The following ATRN variants were observed in gnomAD, a reference collection of about 807,000 sequenced individuals.
ATRN encodes attractin, also known as attractin-2.
A neutral mutation model predicts 178.7 loss-of-function variants in ATRN; 54 were observed. That is an observed-to-expected ratio of 0.30 (90% CI 0.24 to 0.38). The LOEUF is 0.38. Ranked by LOEUF, ATRN falls within the 10% of genes least tolerant of loss-of-function variation. The pLI, the probability that ATRN is intolerant of heterozygous loss-of-function variation, is 1.00. For synonymous variants in ATRN, 636 were observed against 663.0 expected, an observed-to-expected ratio of 0.96 and a Z score of 0.63; for missense variants, 1,443 against 1,815.1, an observed-to-expected ratio of 0.79 and a Z score of 3.73.
At chr20:3,504,035 C>T (rs1284849390) in intron 1 of ATRN, among the ~76,000 whole-genome samples, 1 of 152,084 alleles carries the variant, frequency 6.6e-6, no homozygotes, top group African/African-American at 2.4e-5. Context: ...AACATGGAGG[C>T]CATCTGAAAT....
intron 5 of ATRN, among the ~76,000 whole-genome samples, chr20:3,547,890 A>ATT (rs776026002): frequency 0.75 from 113,308 of 151,126 alleles, 42,895 homozygotes; most frequent in East Asian, 1. Context: ...GCTAATAGTT[A>ATT]TCTACAGAAA....
intron 1 of ATRN, among the ~76,000 whole-genome samples, chr20:3,512,376 C>A (rs572515240): frequency 6.6e-6 from 1 of 150,404 alleles, no homozygotes; most frequent in Non-Finnish European, 1.5e-5. Flanking sequence ...TTTGTCCTTG[C>A]GATAGTTTGC....
chr20:3,544,233 A>ACT (rs1278474234), intron 3 of ATRN, among the ~76,000 whole-genome samples: 53 of 152,000 alleles, frequency 3.5e-4, no homozygotes, highest in Non-Finnish European at 7.4e-5. Context: ...ATGCCTGTTG[A>ACT]GCTTCTTGTT....
chr20:3,524,750 A>G (rs2085341733), intron 1 of ATRN, among the ~76,000 whole-genome samples: 1 of 152,208 alleles, frequency 6.6e-6, no homozygotes, highest in African/African-American at 2.4e-5. Context: ...CTCAGGATTA[A>G]GAAACTCAGA....
At chr20:3,478,559 T>C (rs2084564947) in intron 1 of ATRN, among the ~76,000 whole-genome samples, 1 of 152,020 alleles carries the variant, frequency 6.6e-6, no homozygotes, top group Admixed American at 6.6e-5. Flanking sequence ...AGGGGAGGGA[T>C]AGCATTAGGA....
At chr20:3,633,178 T>C (rs957187455) in intron 25 of ATRN, among the ~76,000 whole-genome samples, 4 of 152,128 alleles carry the variant, frequency 2.6e-5, no homozygotes, top group Non-Finnish European at 4.4e-5. Flanking sequence ...GGCAGTGTCC[T>C]GATAGCAGAG....
intron 1 of ATRN, among the ~76,000 whole-genome samples, chr20:3,492,871 G>GCA (rs113403087): frequency 1.2e-4 from 16 of 132,440 alleles, no homozygotes; most frequent in African/African-American, 2.5e-4. Flanking sequence ...GCGCGCGTGC[G>GCA]CACGCACACA....
At chr20:3,524,660 T>G (rs769777545) in intron 1 of ATRN, among the ~76,000 whole-genome samples, 64 of 152,124 alleles carry the variant, frequency 4.2e-4, no homozygotes, top group Non-Finnish European at 7.1e-4. Flanking sequence ...ACCACATAAT[T>G]GGAAGTAAAA....
At chr20:3,478,356 T>C (rs1008463899) in intron 1 of ATRN, among the ~76,000 whole-genome samples, 5 of 152,192 alleles carry the variant, frequency 3.3e-5, no homozygotes, top group Non-Finnish European at 5.9e-5. Flanking sequence ...GTGGCACATA[T>C]ACACCGTGGA....
intron 24 of ATRN, 59 bp downstream of exon 24, chr20:3,604,321 T>G (rs1476904861): frequency 6.7e-7 from 1 of 1,499,492 alleles, no homozygotes; most frequent in Non-Finnish European, 8.9e-7. Context: ...TTAGTAAGAC[T>G]AAATTTACTA....
intron 22 of ATRN, among the ~76,000 whole-genome samples, chr20:3,598,456 A>G (rs796540392): frequency 1.3e-5 from 2 of 152,292 alleles, no homozygotes; most frequent in Admixed American, 6.5e-5. Context: ...ACAGCAAGGG[A>G]GGGGACACTC....
chr20:3,490,258 C>T, intron 1 of ATRN: 1 of 1,422,426 alleles, frequency 7.0e-7, no homozygotes, highest in Non-Finnish European at 9.9e-7. Context: ...GAGAGGCCAA[C>T]TCCTCCCAGG....
intron 3 of ATRN, among the ~76,000 whole-genome samples, chr20:3,544,180 T>G (rs1213890229): frequency 6.6e-6 from 1 of 152,118 alleles, no homozygotes; most frequent in Non-Finnish European, 1.5e-5. Flanking sequence ...ACATGTACGG[T>G]CCATTGTTTT....
chr20:3,508,104 T>G (rs1427347539), intron 1 of ATRN, among the ~76,000 whole-genome samples: 1 of 151,742 alleles, frequency 6.6e-6, no homozygotes, highest in Non-Finnish European at 1.5e-5. Flanking sequence ...ATCCCAGTAC[T>G]TTGGGAGGCT....
chr20:3,510,628 G>T (rs2085113641), intron 1 of ATRN, among the ~76,000 whole-genome samples: 1 of 151,960 alleles, frequency 6.6e-6, no homozygotes, highest in African/African-American at 2.4e-5. Flanking sequence ...TTAGATTCAA[G>T]TTACGAATCC....
intron 27 of ATRN, among the ~76,000 whole-genome samples, chr20:3,643,264 GTC>G (rs1305166042): frequency 1.3e-5 from 2 of 152,216 alleles, no homozygotes; most frequent in East Asian, 1.9e-4. Flanking sequence ...GAACAGACCT[GTC>G]TCTCTCGGCA....
chr20:3,532,466 G>A (rs954754568), intron 1 of ATRN, among the ~76,000 whole-genome samples: 8 of 152,318 alleles, frequency 5.3e-5, no homozygotes, highest in African/African-American at 1.7e-4. Flanking sequence ...TAGCACAGGC[G>A]TTGTGTTCAG....
At chr20:3,620,675 T>C (rs968903973) in intron 24 of ATRN, among the ~76,000 whole-genome samples, 2 of 152,256 alleles carry the variant, frequency 1.3e-5, no homozygotes, top group Admixed American at 1.3e-4. Flanking sequence ...TGTTGTAAGC[T>C]ATCCAGAGTT....
At chr20:3,565,569 C>T in intron 11 of ATRN, 137 bp downstream of exon 11, 1 of 684,012 alleles carries the variant, frequency 1.5e-6, no homozygotes, top group Non-Finnish European at 2.5e-6. Flanking sequence ...AGATCAAGAC[C>T]ATCCTGGCCA....
Sources: gnomAD v4.1 joint callset for allele counts (sites outside exome capture counted in the v4.1 genomes callset) on GRCh38, gnomAD v4.1.1 for gene constraint, MANE v1.5 for transcripts, NCBI Gene and HGNC (gene_info 2026-07-23, HGNC 2026-07-21) for gene names.